ERBB4: variants seen among roughly 807,000 people sequenced by gnomAD.
ERBB4 encodes the protein erb-b2 receptor tyrosine kinase 4.
ERBB4 carries 42 observed loss-of-function variants against 158.0 expected under a neutral mutation model. The observed-to-expected ratio is 0.27, with a 90% CI of 0.21 to 0.34. The LOEUF (loss-of-function observed/expected upper bound fraction) is 0.34. Among genes scored for constraint, ERBB4 ranks in the 10% least tolerant of loss-of-function variants. The pLI is 1.00. For synonymous variants in ERBB4, 583 were observed against 558.7 expected (o/e 1.04, Z -0.61); for missense variants, 1,333 against 1,624.1 (o/e 0.82, Z 3.08).
In ERBB4 at chr2:212,007,911, A is replaced by G. The variant is rs1044465805; in HGVS notation, c.235-60295T>C. On this transcript the variant is annotated intron_variant, in intron 2 of 27. Transcript: ENST00000342788. ...TCAAGAAAATTGGTTTAATTCTTTA[A>G]CACAAAATATTTCACCATATGGTCA... 2.0e-5 allele frequency among the ~76,000 whole-genome samples: 3 copies of G among 152,056 alleles called. 1 individual carries two copies. The South Asian group carries it at 6.2e-4, about 31-fold the overall frequency.
rs145251648 is a variant in ERBB4 at position 212,469,621 on chromosome 2, C to T, written c.82+68828G>A. On this transcript the variant is annotated intron_variant, in intron 1 of 27. Coordinates refer to ENST00000342788, the MANE Select transcript of ERBB4 (RefSeq NM_005235.3). ...TTCTCTTATTTCCTCAATAACTGCA[C>T]AGGTAAATCTCTTACAGCTATTCAT... is the stretch of plus-strand genomic sequence containing the variant. Among the ~76,000 whole-genome samples, 56 of 152,240 alleles carry T rather than the reference C, an allele frequency of 3.7e-4. No homozygotes were observed. The East Asian group carries it at 0.011, about 29-fold the overall frequency.
At chr2:211,687,497 T>C (rs969316827) in intron 12 of ERBB4, among the ~76,000 whole-genome samples, 1 of 151,762 alleles carries the variant, frequency 6.6e-6, no homozygotes, top group African/African-American at 2.4e-5. Context: ...GACTGAAGTT[T>C]GTTTGTTTGT....
At chr2:211,824,987 G>C (rs1380950029) in intron 3 of ERBB4, among the ~76,000 whole-genome samples, 2 of 151,768 alleles carry the variant, frequency 1.3e-5, no homozygotes, top group African/African-American at 2.4e-5. Context: ...CTGCCATCTA[G>C]TAATACTGTT....
At chr2:211,811,883 TCTCTA>T (rs146457463) in intron 3 of ERBB4, among the ~76,000 whole-genome samples, 6,031 of 152,270 alleles carry the variant, frequency 0.04, 163 homozygotes, top group African/African-American at 0.074. Context: ...TTTAGGGTCT[TCTCTA>T]CACTGTTTAT....
At chr2:212,252,947 G>A (rs1264883923) in intron 1 of ERBB4, among the ~76,000 whole-genome samples, 3 of 152,122 alleles carry the variant, frequency 2.0e-5, no homozygotes. Flanking sequence ...ATTACAATGA[G>A]TGAGCATCTT....
At chr2:212,233,963 TTTATTATTA>T (rs60130196) in intron 1 of ERBB4, among the ~76,000 whole-genome samples, 13,825 of 143,752 alleles carry the variant, frequency 0.096, 761 homozygotes, top group African/African-American at 0.14. Flanking sequence ...CTTTGCATTA[TTTATTATTA>T]TTATTATTAT....
chr2:211,807,046 AG>A (rs1332331124), intron 3 of ERBB4, among the ~76,000 whole-genome samples: 1 of 151,794 alleles, frequency 6.6e-6, no homozygotes, highest in African/African-American at 2.4e-5. Context: ...TGATAAATCA[AG>A]AAATAATTAA....
intron 1 of ERBB4, among the ~76,000 whole-genome samples, chr2:212,262,150 T>C (rs906043347): frequency 6.6e-6 from 1 of 152,198 alleles, no homozygotes; most frequent in African/African-American, 2.4e-5. Context: ...CAAAATCATT[T>C]TCTATAGGGA....
intron 20 of ERBB4, among the ~76,000 whole-genome samples, chr2:211,436,116 C>G (rs1163180447): frequency 6.6e-6 from 1 of 152,134 alleles, no homozygotes; most frequent in African/African-American, 2.4e-5. Flanking sequence ...GCCACTGCAT[C>G]CAGCCACTTG....
chr2:212,147,159 T>TTTTA (rs2080707745), intron 1 of ERBB4, among the ~76,000 whole-genome samples: 1 of 105,840 alleles, frequency 9.4e-6, no homozygotes, highest in Non-Finnish European at 1.9e-5. Context: ...CCCAGCTAAT[T>TTTTA]TTTTTTTTTT....
At chr2:211,785,926 T>G (rs2076152300) in intron 4 of ERBB4, among the ~76,000 whole-genome samples, 2 of 152,206 alleles carry the variant, frequency 1.3e-5, no homozygotes, top group African/African-American at 4.8e-5. Context: ...TCATTTTTTC[T>G]TCTAAAAATA....
chr2:211,775,406 A>T, intron 4 of ERBB4, among the ~76,000 whole-genome samples: 1 of 152,308 alleles, frequency 6.6e-6, no homozygotes, highest in East Asian at 1.9e-4. Context: ...CCCTTACTGT[A>T]CTATGTCTAT....
chr2:211,633,053 G>C (rs750548869), intron 16 of ERBB4, among the ~76,000 whole-genome samples: 12 of 152,040 alleles, frequency 7.9e-5, no homozygotes, highest in Non-Finnish European at 1.5e-4. Flanking sequence ...GTAAAATCAA[G>C]AGGAGGGAAT....
chr2:212,019,797 A>T (rs2076609236), intron 2 of ERBB4, among the ~76,000 whole-genome samples: 1 of 151,064 alleles, frequency 6.6e-6, no homozygotes, highest in Admixed American at 6.6e-5. Flanking sequence ...AAAAGAAAAA[A>T]AGAAAGAATG....
intron 5 of ERBB4, among the ~76,000 whole-genome samples, chr2:211,746,131 AT>A: frequency 6.6e-6 from 1 of 152,306 alleles, no homozygotes; most frequent in East Asian, 1.9e-4. Context: ...CTATTCTAAC[AT>A]TTGGCCGGTG....
At chr2:212,492,364 G>T (rs1185049820) in intron 1 of ERBB4, among the ~76,000 whole-genome samples, 2 of 151,090 alleles carry the variant, frequency 1.3e-5, no homozygotes, top group Admixed American at 6.6e-5. Context: ...AAAAATTATA[G>T]CACTACCTGG....
chr2:212,213,544 A>G (rs1422984300), intron 1 of ERBB4, among the ~76,000 whole-genome samples: 1 of 151,936 alleles, frequency 6.6e-6, no homozygotes, highest in East Asian at 1.9e-4. Context: ...GCCCTCTCAC[A>G]TCATCCCAAA....
intron 1 of ERBB4, among the ~76,000 whole-genome samples, chr2:212,482,645 A>G (rs1473178888): frequency 1.3e-5 from 2 of 152,110 alleles, no homozygotes; most frequent in African/African-American, 4.8e-5. Flanking sequence ...TGAGACGAAG[A>G]CTTGCTCTGT....
intron 12 of ERBB4, 130 bp from the exon 13 acceptor site, chr2:211,679,314 T>G: frequency 1.0e-6 from 1 of 973,634 alleles, no homozygotes; most frequent in Non-Finnish European, 1.6e-6. Context: ...TGGTGGCCTA[T>G]CCCATCGTCA....
Sources: allele counts gnomAD v4.1 joint callset (sites outside exome capture counted in the v4.1 genomes callset), GRCh38; gene constraint gnomAD v4.1.1; transcripts MANE v1.5; gene names NCBI Gene and HGNC (gene_info 2026-07-23, HGNC 2026-07-21).